The following RP1L1 variants were observed in gnomAD, a reference collection of about 807,000 sequenced individuals.
The protein encoded by RP1L1 is RP1 like 1.
RP1L1 carries 27 observed loss-of-function variants against 15.7 expected under a neutral mutation model. The observed-to-expected ratio is 1.72, with a 90% CI of 1.27 to 2.38. The LOEUF is 2.38. Among genes scored for constraint, RP1L1 ranks in the 30% most tolerant of loss-of-function variants. RP1L1 has a pLI of 0.00. For synonymous variants in RP1L1, 1,813 were observed against 1,276.7 expected, an observed-to-expected ratio of 1.42 and a Z score of -8.96; for missense variants, 4,798 against 3,075.9, an observed-to-expected ratio of 1.56 and a Z score of -13.24.
intron 3 of RP1L1, among the ~76,000 whole-genome samples, chr8:10,614,781 G>T (rs1308579148): frequency 6.6e-6 from 1 of 151,830 alleles, no homozygotes; most frequent in South Asian, 2.1e-4. Context: ...TCCATCTCCT[G>T]GGGGGAGGGG....
rs369388890 is a variant in RP1L1, at chr8:10,608,872, C to T, written c.5226G>A (p.Glu1742=). Residue 1742 remains glutamate (E), a synonymous_variant, in exon 4 of 4, where the codon GAG becomes GAA. Coordinates refer to ENST00000382483, the MANE Select transcript of RP1L1 (RefSeq NM_178857.6). The part of the protein sequence containing the change: ...PGLSQGPGVD[E]GEDGEGSQRL... Reference sequence around the variant, plus strand: ...TCTGGCTCCCCTCGCCATCCTCACCCTCGTCCACTCCAGGCCCCTGGCTCA... The same window carrying T: ...TCTGGCTCCCCTCGCCATCCTCACCTTCGTCCACTCCAGGCCCCTGGCTCA... 7 of 1,613,896 alleles carry T rather than the reference C, an allele frequency of 4.3e-6. No individual in the cohort carries two copies. In the African/African-American group the frequency reaches 9.3e-5, roughly 22 times the overall value.
At chr8:10,617,807 C>T (rs1031412149) in intron 2 of RP1L1, among the ~76,000 whole-genome samples, 8 of 152,094 alleles carry the variant, frequency 5.3e-5, no homozygotes, top group Non-Finnish European at 1.2e-4. Flanking sequence ...CCGCCGGCCT[C>T]GGCCTCCCAA....
At chr8:10,613,999 C>T (rs1797924651) in intron 3 of RP1L1, among the ~76,000 whole-genome samples, 2 of 152,098 alleles carry the variant, frequency 1.3e-5, no homozygotes, top group African/African-American at 2.4e-5. Context: ...TGGTTCGGTT[C>T]GTATTGATGC....
Position 10,613,194 on chromosome 8 carries a change from G to T in RP1L1, c.904C>A (p.Pro302Thr). The change falls in exon 4 of 4, where the codon CCG becomes ACG. Residue 302 changes from proline to threonine, a missense_variant. Transcript: ENST00000382483. The part of the protein sequence containing the change: ...HPQDTPAQSG[P>T]LVAGDDMKKK... ...TTCATGTCATCGCCAGCCACCAGCG[G>T]GCCCGACTGAGCTGGCGTGTCCTGA... 1.2e-6 allele frequency: 2 copies of T among 1,613,628 alleles called. No individual in the cohort carries two copies. The highest frequency in any genetic ancestry group is 1.7e-6 in the Non-Finnish European group (2 of 1,180,008).
rs772291500 is a variant in RP1L1, at chr8:10,611,233, A to G, written c.2865T>C (p.Ala955=). ...PSSLPRSSPE[A]VVREWLDNIP... Reference sequence around the variant, plus strand: ...TGTTGTCCAGCCATTCGCGGACCACAGCCTCTGGAGACGAGCGGGGCAGAG... The same window carrying G: ...TGTTGTCCAGCCATTCGCGGACCACGGCCTCTGGAGACGAGCGGGGCAGAG... The change falls in exon 4 of 4, where the codon GCT becomes GCC. Residue 955 remains alanine (A), a synonymous_variant. Coordinates refer to ENST00000382483, the MANE Select transcript of RP1L1 (RefSeq NM_178857.6). 16 of 1,612,884 alleles carry G rather than the reference A, an allele frequency of 9.9e-6. No homozygotes were observed. Among genetic ancestry groups the G allele is most frequent in the Non-Finnish European group, 1.4e-5 (16 of 1,180,018 alleles).
At chr8:10,648,810 G>T (rs1798517769) in intron 1 of RP1L1, among the ~76,000 whole-genome samples, 1 of 152,220 alleles carries the variant, frequency 6.6e-6, no homozygotes, top group Non-Finnish European at 1.5e-5. Flanking sequence ...ACACCCAGGG[G>T]AATCAGACAT....
intron 1 of RP1L1, among the ~76,000 whole-genome samples, chr8:10,637,934 GC>G (rs1426161261): frequency 6.6e-6 from 1 of 152,220 alleles, no homozygotes; most frequent in Non-Finnish European, 1.5e-5. Flanking sequence ...TCTTGGGACA[GC>G]CCCACCCTCC....
chr8:10,622,785 T>TG lies in RP1L1; in HGVS notation c.416dup (p.Gly140ArgfsTer10), dbSNP rs201192645. On this transcript the variant is annotated frameshift_variant, in exon 2 of 4. Transcript: ENST00000382483. LOFTEE classifies it high-confidence loss of function. ...GACTCTTCCGGGAGGAGGAGGTGCC[T>TG]GGGGCTTCACGCTGGCCTTCGACAT... is the stretch of plus-strand genomic sequence containing the variant. 4,557 of 1,613,878 alleles carry TG rather than the reference T, an allele frequency of 2.8e-3. 99 individuals are homozygous for TG. The East Asian group carries it at 0.064, about 23-fold the overall frequency.
At chr8:10,627,554 T>C (rs2117235352) in intron 1 of RP1L1, among the ~76,000 whole-genome samples, 2 of 151,918 alleles carry the variant, frequency 1.3e-5, no homozygotes, top group African/African-American at 4.8e-5. Context: ...TGGGTGGTGA[T>C]GGTGGTCGCA....
At chr8:10,631,268 C>A (rs1164889365) in intron 1 of RP1L1, among the ~76,000 whole-genome samples, 1 of 151,286 alleles carries the variant, frequency 6.6e-6, no homozygotes, top group Non-Finnish European at 1.5e-5. Flanking sequence ...CACACGCACA[C>A]AAACACGCAT....
At chr8:10,619,956 A>G (rs1306455348) in intron 2 of RP1L1, among the ~76,000 whole-genome samples, 7 of 82,536 alleles carry the variant, frequency 8.5e-5, no homozygotes, top group Admixed American at 4.8e-4. Flanking sequence ...GGGAGACTCC[A>G]TCTCAAAAAA....
At position 10,610,338 on chromosome 8, in the gene RP1L1, G is replaced by C. The variant is rs752101646; in HGVS notation, c.3760C>G (p.Gln1254Glu). ...YESPGDLENQ[Q>E]QCCFPTFLNA... ...AAGAAGGTTGGGAAACAACACTGCT[G>C]TTGGTTTTCCAGATCCCCTGGGCTC... Residue 1254 changes from glutamine to glutamate, a missense_variant, in exon 4 of 4, where the codon CAG (glutamine) becomes GAG (glutamate). Physicochemically the swap from Gln to Glu is conservative, Grantham distance 29 (BLOSUM62 2). Coordinates refer to ENST00000382483, the MANE Select transcript of RP1L1 (RefSeq NM_178857.6). 6.2e-7 allele frequency: 1 copy of C among 1,614,208 alleles called. No individual in the cohort carries two copies. The highest frequency in any genetic ancestry group is 1.3e-5 in the African/African-American group (1 of 75,056).
intron 1 of RP1L1, among the ~76,000 whole-genome samples, chr8:10,624,923 C>T (rs940225016): frequency 6.6e-6 from 1 of 152,194 alleles, no homozygotes; most frequent in African/African-American, 2.4e-5. Context: ...AGCACCTCAC[C>T]TTCAGTGACT....
chr8:10,634,104 C>T (rs775813328), intron 1 of RP1L1, among the ~76,000 whole-genome samples: 63 of 152,118 alleles, frequency 4.1e-4, no homozygotes, highest in Non-Finnish European at 8.4e-4. Context: ...CATACCACAG[C>T]GGTCTGAGTA....
chr8:10,643,750 A>T (rs560203647), intron 1 of RP1L1, among the ~76,000 whole-genome samples: 108 of 152,036 alleles, frequency 7.1e-4, no homozygotes, highest in Non-Finnish European at 1.2e-3. Context: ...TGCTGGAAAA[A>T]CACTGCAGCC....
At position 10,612,551 on chromosome 8, in the gene RP1L1, T is replaced by A; in HGVS notation, c.1547A>T (p.Glu516Val). 6.2e-7 allele frequency: 1 copy of A among 1,609,208 alleles called. No individual in the cohort carries two copies. Among genetic ancestry groups the A allele is most frequent in the Non-Finnish European group, 8.5e-7 (1 of 1,179,502 alleles). The change falls in exon 4 of 4, where the codon GAG becomes GTG. Residue 516 changes from glutamate (E) to valine (V), a missense_variant. By Grantham distance (121) the Glu-to-Val change is moderately radical. Coordinates refer to ENST00000382483, the MANE Select transcript of RP1L1 (RefSeq NM_178857.6). ...CCTCGGTGTCAGGCGGCCGCCTTGC[T>A]CTGGGCCGCCCAGCCCTGCTCCATC... The part of the protein sequence containing the change: ...CIDGAGLGGP[E>V]QGGRLTPRAR...
At chr8:10,653,527 A>G (rs1798593433) in intron 1 of RP1L1, among the ~76,000 whole-genome samples, 1 of 151,372 alleles carries the variant, frequency 6.6e-6, no homozygotes, top group South Asian at 2.1e-4. Context: ...CATCACATGC[A>G]CACACACGTC....
rs1193069610 is a variant in RP1L1 at position 10,616,484 on chromosome 8, G to T, written c.713C>A (p.Ala238Asp). 1.9e-6 allele frequency: 3 copies of T among 1,614,226 alleles called. No homozygotes were observed. The Admixed American group carries it at 5.0e-5, about 27-fold the overall frequency. ...TGAAGTCAGCCCAGATAAAGTTTCAGCCTCGCTTCTCCTGGCATTTTTCAT... is the reference window on the plus strand; with the variant it reads ...TGAAGTCAGCCCAGATAAAGTTTCATCCTCGCTTCTCCTGGCATTTTTCAT... The part of the protein sequence containing the change: ...PAMKNARRSE[A>D]ETLSGLTSRN... The change falls in exon 3 of 4, where the codon GCT (alanine) becomes GAT (aspartate). Residue 238 changes from alanine (A) to aspartate (D), a missense_variant. Coordinates refer to ENST00000382483, the MANE Select transcript of RP1L1 (RefSeq NM_178857.6).
At position 10,607,414 on chromosome 8, in the gene RP1L1, T is replaced by C; in HGVS notation, c.6684A>G (p.Val2228=). Residue 2228 remains valine, a synonymous_variant, in exon 4 of 4, where the codon GTA becomes GTG. Coordinates refer to ENST00000382483, the MANE Select transcript of RP1L1 (RefSeq NM_178857.6). The stretch of plus-strand genomic sequence containing the variant: ...CCTCCCCTTCAGCCTCCGGGGTCTC[T>C]ACGCCTTCTGGCTCTGGCTGGGCCT... ...EEEAQPEPEG[V]ETPEAEGEAQ... The C allele has an allele frequency of 1.2e-6, 2 of 1,613,630 alleles. No homozygotes were observed. Among genetic ancestry groups the C allele is most frequent in the Non-Finnish European group, 1.7e-6 (2 of 1,179,850 alleles).
Sources: allele counts gnomAD v4.1 joint callset (sites outside exome capture counted in the v4.1 genomes callset), GRCh38; gene constraint gnomAD v4.1.1; transcripts MANE v1.5; gene names NCBI Gene and HGNC (gene_info 2026-07-23, HGNC 2026-07-21).